DPY19L1: variants seen among roughly 807,000 people sequenced by gnomAD.
DPY19L1 encodes dpy-19 like C-mannosyltransferase 1, also known as protein C-mannosyl-transferase DPY19L1.
In DPY19L1, 35 loss-of-function variants were observed where a neutral mutation model predicts 96.9. The observed-to-expected ratio is 0.36, with a 90% confidence interval of 0.28 to 0.48. The LOEUF is 0.48. DPY19L1 is among the 20% of genes least tolerant of loss of function. The pLI is 0.99. For synonymous variants in DPY19L1, 205 were observed against 252.6 expected, an observed-to-expected ratio of 0.81 and a Z score of 1.79; for missense variants, 521 against 777.9, an observed-to-expected ratio of 0.67 and a Z score of 3.93.
intron 14 of DPY19L1, among the ~76,000 whole-genome samples, chr7:34,948,060 G>A (rs914220478): frequency 2.6e-5 from 4 of 151,918 alleles, no homozygotes; most frequent in Non-Finnish European, 4.4e-5. Flanking sequence ...TTTTGTGGGG[G>A]ATAAAAATAT....
intron 7 of DPY19L1, among the ~76,000 whole-genome samples, chr7:34,989,430 C>T (rs893917901): frequency 3.3e-5 from 5 of 152,134 alleles, no homozygotes; most frequent in African/African-American, 1.2e-4. Context: ...GCCTGGGCAA[C>T]ATAGAAAGAT....
At chr7:34,936,455 C>T (rs933166976) in intron 21 of DPY19L1, among the ~76,000 whole-genome samples, 5 of 152,174 alleles carry the variant, frequency 3.3e-5, no homozygotes, top group African/African-American at 1.2e-4. Flanking sequence ...CAGTAACTTA[C>T]AGTTGTTTCA....
intron 7 of DPY19L1, among the ~76,000 whole-genome samples, chr7:34,984,907 A>C (rs1399965446): frequency 6.6e-6 from 1 of 152,118 alleles, no homozygotes; most frequent in Non-Finnish European, 1.5e-5. Context: ...TCCTGCTTTA[A>C]GGTAGAAGAT....
intron 1 of DPY19L1, among the ~76,000 whole-genome samples, chr7:35,023,218 TC>T (rs760775138): frequency 6.6e-6 from 1 of 152,076 alleles, no homozygotes; most frequent in Non-Finnish European, 1.5e-5. Flanking sequence ...CCCCTTCCCC[TC>T]CCAGTTACCC....
At chr7:34,948,843 A>G (rs2128784020) in intron 14 of DPY19L1, among the ~76,000 whole-genome samples, 1 of 152,356 alleles carries the variant, frequency 6.6e-6, no homozygotes, top group African/African-American at 2.4e-5. Flanking sequence ...AACACAATAA[A>G]TGAAGACTGA....
intron 7 of DPY19L1, among the ~76,000 whole-genome samples, chr7:34,978,059 G>A (rs328898): frequency 0.47 from 71,095 of 151,704 alleles, 17,134 homozygotes; most frequent in Admixed American, 0.61. Flanking sequence ...AATCTCAAAA[G>A]TAGCTTAATT....
intron 3 of DPY19L1, among the ~76,000 whole-genome samples, chr7:35,015,021 G>A (rs1785808851): frequency 6.6e-6 from 1 of 152,078 alleles, no homozygotes; most frequent in Non-Finnish European, 1.5e-5. Flanking sequence ...GAGACAAGAT[G>A]CCCGTCAACA....
intron 7 of DPY19L1, among the ~76,000 whole-genome samples, chr7:34,975,132 C>G (rs779968934): frequency 6.6e-5 from 10 of 152,054 alleles, no homozygotes; most frequent in Non-Finnish European, 1.5e-4. Context: ...TCAATTAATA[C>G]AAAGAGTTGT....
chr7:35,030,506 A>C (rs1352601568), intron 1 of DPY19L1, among the ~76,000 whole-genome samples: 1 of 152,236 alleles, frequency 6.6e-6, no homozygotes, highest in East Asian at 1.9e-4. Flanking sequence ...GGTGACAGCT[A>C]CGCTATTATG....
intron 6 of DPY19L1, among the ~76,000 whole-genome samples, chr7:34,990,426 A>C (rs1305772014): frequency 4.6e-5 from 7 of 152,222 alleles, no homozygotes; most frequent in Non-Finnish European, 1.0e-4. Flanking sequence ...GAAATTCACA[A>C]GGCACTTCCA....
rs3735412 is a variant in DPY19L1, at chr7:34,929,777, A to G, written c.*1796T>C. The G allele has an allele frequency of 0.28, 42,617 of 152,000 alleles. 6,178 individuals are homozygous for G. The highest frequency in any genetic ancestry group is 0.33 in the Non-Finnish European group (22,084 of 67,938). The allele number at this position is 152,000 out of a possible 1,614,324, so 9.4% of individuals were successfully genotyped here. ...AATGTTGCTTTTAATCCACAAATCA[A>G]GGGCTGCTTCCCTATTTTCTAAAAC... On this transcript the variant is annotated 3_prime_UTR_variant, in exon 22 of 22. Transcript: ENST00000638088.
At position 34,953,133 on chromosome 7, in the gene DPY19L1, G is replaced by C. The variant is rs1175445102; in HGVS notation, c.1320+1565C>G. ...CTCAGAGGCACTATCAGTAAAAGTA[G>C]AGAACTCAGTAGGAAATAAAAGGCT... On this transcript the variant is annotated intron_variant, in intron 13 of 21. Transcript: ENST00000638088. 2.2e-4 allele frequency among the ~76,000 whole-genome samples: 33 copies of C among 152,134 alleles called. 1 individual carries two copies. The highest frequency in any genetic ancestry group is 2.9e-5 in the Non-Finnish European group (2 of 68,018).
chr7:34,962,650 T>C (rs1784524233), intron 10 of DPY19L1, among the ~76,000 whole-genome samples: 1 of 151,652 alleles, frequency 6.6e-6, no homozygotes. Flanking sequence ...TGAGCCATAT[T>C]TGCACCACTG....
At chr7:34,971,657 A>G (rs1344605420) in intron 8 of DPY19L1, among the ~76,000 whole-genome samples, 1 of 152,190 alleles carries the variant, frequency 6.6e-6, no homozygotes, top group Non-Finnish European at 1.5e-5. Context: ...AAAAGTAAAG[A>G]CAGGTATTAA....
At position 34,930,896 on chromosome 7, in the gene DPY19L1, G is replaced by C. The variant is rs1783738910; in HGVS notation, c.*677C>G. Reference sequence around the variant, plus strand: ...GGGAAGAGGAGAAGAGAGAGAGCAAGAGAGAGAGAGAAAGAGACACGATAA... The same window carrying C: ...GGGAAGAGGAGAAGAGAGAGAGCAACAGAGAGAGAGAAAGAGACACGATAA... On this transcript the variant is annotated 3_prime_UTR_variant, in exon 22 of 22. Transcript: ENST00000638088. 1 of 151,662 alleles carries C rather than the reference G, an allele frequency of 6.6e-6. No individual in the cohort carries two copies. Among genetic ancestry groups the C allele is most frequent in the East Asian group, 1.9e-4 (1 of 5,184 alleles). 9.4% of individuals were successfully genotyped at this position (151,662 alleles called of 1,614,324 possible). A position where few individuals can be genotyped will look rare whatever the true frequency, so the allele number is the denominator to read the frequency against.
At chr7:34,971,341 C>T (rs1218851878) in intron 8 of DPY19L1, among the ~76,000 whole-genome samples, 1 of 152,010 alleles carries the variant, frequency 6.6e-6, no homozygotes, top group Non-Finnish European at 1.5e-5. Context: ...CTGCAGTGTC[C>T]AAGAAAGCAA....
chr7:35,017,605 C>T (rs1785890161), intron 3 of DPY19L1, among the ~76,000 whole-genome samples: 1 of 149,948 alleles, frequency 6.7e-6, no homozygotes, highest in Admixed American at 6.6e-5. Context: ...CTGGGAGGTG[C>T]AGCTTGCAGT....
intron 21 of DPY19L1, among the ~76,000 whole-genome samples, chr7:34,936,266 C>G (rs1010141358): frequency 2.0e-5 from 3 of 151,486 alleles, no homozygotes; most frequent in African/African-American, 7.3e-5. Context: ...CTCTGCCTAC[C>G]CAAACATGAG....
intron 7 of DPY19L1, among the ~76,000 whole-genome samples, chr7:34,979,301 C>T (rs1208427305): frequency 2.0e-5 from 3 of 152,054 alleles, no homozygotes; most frequent in African/African-American, 4.8e-5. Context: ...TGGTTATAAA[C>T]TACACTGCTC....
Sources: gnomAD v4.1 joint callset for allele counts (sites outside exome capture counted in the v4.1 genomes callset) on GRCh38, gnomAD v4.1.1 for gene constraint, MANE v1.5 for transcripts, NCBI Gene and HGNC (gene_info 2026-07-23, HGNC 2026-07-21) for gene names.